CCDC3: variants seen among roughly 807,000 people sequenced by gnomAD.
The protein encoded by CCDC3 is coiled-coil domain containing 3, also known as coiled-coil domain-containing protein 3.
Under a neutral mutation model 21.4 loss-of-function variants are expected in CCDC3, and 24 were observed. The ratio of observed to expected loss-of-function variants is 1.12; its 90% CI spans 0.81 to 1.58. The LOEUF is 1.58. Among genes scored for constraint, CCDC3 ranks in the 40% most tolerant of loss-of-function variants. CCDC3 has a pLI of 0.00. For missense variants in CCDC3, 425 were observed against 360.9 expected, an observed-to-expected ratio of 1.18 and a Z score of -1.44; for synonymous variants, 186 against 166.0, an observed-to-expected ratio of 1.12 and a Z score of -0.93.
intron 2 of CCDC3, among the ~76,000 whole-genome samples, chr10:12,951,532 T>A (rs1835008006): frequency 6.6e-6 from 1 of 151,964 alleles, no homozygotes; most frequent in African/African-American, 2.4e-5. Context: ...TTTGTGACAC[T>A]CTGTGGCTCA....
At chr10:12,909,745 C>A (rs1422626891) in intron 2 of CCDC3, among the ~76,000 whole-genome samples, 1 of 152,224 alleles carries the variant, frequency 6.6e-6, no homozygotes, top group Non-Finnish European at 1.5e-5. Flanking sequence ...TAGACAGGCA[C>A]TGACCCAAAG....
chr10:13,046,154 C>T (rs553991301), intron 5 of CCDC3, among the ~76,000 whole-genome samples: 1 of 152,146 alleles, frequency 6.6e-6, no homozygotes, highest in Non-Finnish European at 1.5e-5. Flanking sequence ...TCCTGTAATC[C>T]CAGCACCTTG....
intron 5 of CCDC3, among the ~76,000 whole-genome samples, chr10:13,035,480 G>A (rs1836366897): frequency 6.6e-6 from 1 of 152,136 alleles, no homozygotes. Context: ...GCCAGAACAG[G>A]CCTCCTACTC....
At chr10:13,058,326 T>C in intron 4 of CCDC3, 1 of 1,299,456 alleles carries the variant, frequency 7.7e-7, no homozygotes, top group South Asian at 1.2e-5. Context: ...CCTTCATAGA[T>C]CTTGTCCATG....
Position 13,055,633 on chromosome 10 carries a change from G to A in CCDC3, c.-269-5692C>T, listed in dbSNP as rs952822104. 3.9e-5 allele frequency among the ~76,000 whole-genome samples: 6 copies of A among 152,092 alleles called. No individual in the cohort carries two copies. In the East Asian group the frequency reaches 5.8e-4, roughly 15 times the overall value. ...ATCCACCTCTTGATGCAAGAGAAACGTGTGTACAGGGAGGTGAGAAATTGT... is the reference window on the plus strand; with the variant it reads ...ATCCACCTCTTGATGCAAGAGAAACATGTGTACAGGGAGGTGAGAAATTGT... On this transcript the variant is annotated intron_variant, in intron 4 of 6. Coordinates refer to the CCDC3 transcript ENST00000378839.
intron 4 of CCDC3, among the ~76,000 whole-genome samples, chr10:13,061,847 T>A (rs1172850567): frequency 6.6e-6 from 1 of 152,126 alleles, no homozygotes; most frequent in Non-Finnish European, 1.5e-5. Context: ...AGATGACAAC[T>A]GTTTCCTATT....
At chr10:13,005,519 C>A (rs114190436), upstream of CCDC3, among the ~76,000 whole-genome samples, 529 of 152,318 alleles carry the variant, frequency 3.5e-3, 5 homozygotes, top group African/African-American at 0.012. Flanking sequence ...ACCCAGCATA[C>A]CATGGTTAGG....
chr10:12,964,803 A>C (rs936611297), intron 2 of CCDC3, among the ~76,000 whole-genome samples: 14 of 152,222 alleles, frequency 9.2e-5, no homozygotes, highest in African/African-American at 3.4e-4. Flanking sequence ...TGTATTAAGA[A>C]CATGCAGGCA....
intron 5 of CCDC3, among the ~76,000 whole-genome samples, chr10:13,033,960 A>G (rs138309647): frequency 0.018 from 2,719 of 152,332 alleles, 29 homozygotes; most frequent in Middle Eastern, 0.068. Flanking sequence ...TAGAACTAGA[A>G]ATACCATATG....
chr10:12,975,317 T>G (rs778910883), intron 2 of CCDC3, among the ~76,000 whole-genome samples: 1 of 152,074 alleles, frequency 6.6e-6, no homozygotes, highest in African/African-American at 2.4e-5. Context: ...TGCCCTCCCA[T>G]GGAAACAAAC....
intron 2 of CCDC3, among the ~76,000 whole-genome samples, chr10:12,930,549 C>T (rs1216755813): frequency 6.6e-6 from 1 of 152,198 alleles, no homozygotes; most frequent in Admixed American, 6.5e-5. Context: ...GTGCAATTGA[C>T]AACTGTGCTA....
chr10:13,093,356 G>A (rs1433090190), intron 3 of CCDC3, among the ~76,000 whole-genome samples: 2 of 152,016 alleles, frequency 1.3e-5, no homozygotes, highest in Non-Finnish European at 2.9e-5. Context: ...ACAGTATGGA[G>A]GAAAACACCC....
In CCDC3 at chr10:13,018,473, C is replaced by A. The variant is rs1050129939; in HGVS notation, c.-1-19961G>T. Among the ~76,000 whole-genome samples, 46 of 152,162 alleles carry A rather than the reference C, an allele frequency of 3.0e-4. 1 individual carries two copies. Among genetic ancestry groups the A allele is most frequent in the African/African-American group, 1.0e-3 (43 of 41,452 alleles). ...TGGGAAAGTTTACAAAGACTCCCGG[C>A]CTACAGGCCACTGTGTGTCTTCAGT... On this transcript the variant is annotated intron_variant, in intron 5 of 6. Coordinates refer to the CCDC3 transcript ENST00000378839.
At chr10:12,920,165 A>G (rs1263907094) in intron 2 of CCDC3, among the ~76,000 whole-genome samples, 1 of 152,176 alleles carries the variant, frequency 6.6e-6, no homozygotes, top group East Asian at 1.9e-4. Flanking sequence ...CCTCACAATC[A>G]TGGTGGAAGG....
At chr10:12,935,549 T>C (rs1230807029) in intron 2 of CCDC3, among the ~76,000 whole-genome samples, 1 of 152,254 alleles carries the variant, frequency 6.6e-6, no homozygotes, top group Non-Finnish European at 1.5e-5. Flanking sequence ...TCCTGTGGTT[T>C]TAATTGAGCA....
At chr10:13,025,519 C>T (rs954649348) in intron 5 of CCDC3, among the ~76,000 whole-genome samples, 7 of 152,076 alleles carry the variant, frequency 4.6e-5, no homozygotes, top group East Asian at 1.9e-4. Flanking sequence ...TGACTTAGGG[C>T]GCAATTGTCA....
chr10:13,053,270 T>C (rs1012462087), intron 4 of CCDC3, among the ~76,000 whole-genome samples: 1 of 152,004 alleles, frequency 6.6e-6, no homozygotes, highest in Non-Finnish European at 1.5e-5. Context: ...CTGACTTACG[T>C]AATAAAAGTA....
At chr10:13,000,369 T>C (rs1466615948) in intron 1 of CCDC3, among the ~76,000 whole-genome samples, 1 of 152,170 alleles carries the variant, frequency 6.6e-6, no homozygotes, top group Non-Finnish European at 1.5e-5. Flanking sequence ...ATTGACTGAA[T>C]TCTTAGGCAG....
chr10:13,031,703 C>T (rs974248173), intron 5 of CCDC3, among the ~76,000 whole-genome samples: 2 of 152,162 alleles, frequency 1.3e-5, no homozygotes, highest in African/African-American at 2.4e-5. Flanking sequence ...TCAGAGAATA[C>T]TATAAACACC....
Sources: gnomAD v4.1 joint callset for allele counts (sites outside exome capture counted in the v4.1 genomes callset) on GRCh38, gnomAD v4.1.1 for gene constraint, MANE v1.5 for transcripts, NCBI Gene and HGNC (gene_info 2026-07-23, HGNC 2026-07-21) for gene names.